Variants in ROS1 observed in about 807,000 individuals in gnomAD.
ROS1 encodes the protein ROS proto-oncogene 1, receptor tyrosine kinase.
In ROS1, 263 loss-of-function variants were observed where a neutral mutation model predicts 273.5. The observed-to-expected ratio is 0.96, with a 90% CI of 0.87 to 1.06. The LOEUF is 1.06. Among genes scored for constraint, ROS1 ranks in the 50% least tolerant of loss-of-function variants. ROS1 has a pLI of 0.00. For synonymous variants in ROS1, 1,008 were observed against 954.1 expected (o/e 1.06, Z -1.04); for missense variants, 2,833 against 2,751.1 (o/e 1.03, Z -0.67).
At chr6:117,360,642 C>G (rs1779723515) in intron 22 of ROS1, among the ~76,000 whole-genome samples, 1 of 152,032 alleles carries the variant, frequency 6.6e-6, no homozygotes, top group Non-Finnish European at 1.5e-5. Flanking sequence ...TGGAACAAAT[C>G]TCTCTTGCTA....
chr6:117,352,940 T>G, intron 27 of ROS1, 50 bp downstream of exon 27: 3 of 1,551,712 alleles, frequency 1.9e-6, no homozygotes, highest in Non-Finnish European at 2.6e-6. Context: ...ATGAGATTTT[T>G]CTGACCCTAA....
Position 117,414,535 on chromosome 6 carries a change from T to A in ROS1, c.239A>T (p.Tyr80Phe), listed in dbSNP as rs755687048. The A allele has an allele frequency of 1.4e-6, 1 of 731,252 alleles. No homozygotes were observed. Among genetic ancestry groups the A allele is most frequent in the Non-Finnish European group, 2.5e-6 (1 of 405,252 alleles). The allele number at this position is 731,252 out of a possible 1,614,324, so 45.3% of individuals were successfully genotyped here. A position where few individuals can be genotyped will look rare whatever the true frequency, so the allele number is the denominator to read the frequency against. The change falls in exon 4 of 44, where the codon TAT becomes TTT. Residue 80 changes from tyrosine to phenylalanine, a missense_variant. Transcript: ENST00000368507. ...CCAACTCACCTCACAAACGGTGGCA[T>A]AAGTATCATTCTGCATAGAAAAAAA... is the stretch of plus-strand genomic sequence containing the variant. Reference protein sequence around the residue: ...KNCALKCNDTYATVCERESCE... With the variant: ...KNCALKCNDTFATVCERESCE...
intron 43 of ROS1, among the ~76,000 whole-genome samples, chr6:117,290,682 T>C (rs1379088112): frequency 6.6e-6 from 1 of 152,190 alleles, no homozygotes. Flanking sequence ...TTTACACAAA[T>C]GTTTGGATGA....
At chr6:117,367,726 T>C (rs1183403751) in intron 18 of ROS1, among the ~76,000 whole-genome samples, 1 of 152,206 alleles carries the variant, frequency 6.6e-6, no homozygotes, top group African/African-American at 2.4e-5. Flanking sequence ...TAACCTCTCA[T>C]TGAACCATCT....
In ROS1 at chr6:117,387,831, T is replaced by C. The variant is rs1290003301; in HGVS notation, c.1948A>G (p.Lys650Glu). Reference sequence around the variant, plus strand: ...GGCTCTGACCAGGGGCCTGGCCTCTTTGGAGAACTTGCTCTCACAGAAACC... The same window carrying C: ...GGCTCTGACCAGGGGCCTGGCCTCTCTGGAGAACTTGCTCTCACAGAAACC... The part of the protein sequence containing the change: ...YKVSVRASSP[K>E]RPGPWSEPSV... The change falls in exon 14 of 44, where the codon AAG becomes GAG. Residue 650 changes from lysine (K) to glutamate (E), a missense_variant. Coordinates refer to ENST00000368507, the MANE Select transcript of ROS1 (RefSeq NM_001378902.1). 1 of 1,614,114 alleles carries C rather than the reference T, an allele frequency of 6.2e-7. No individual in the cohort carries two copies. Among genetic ancestry groups the C allele is most frequent in the Non-Finnish European group, 8.5e-7 (1 of 1,180,006 alleles).
At chr6:117,421,506 C>T (rs1009375526) in intron 1 of ROS1, among the ~76,000 whole-genome samples, 18 of 151,968 alleles carry the variant, frequency 1.2e-4, no homozygotes, top group Non-Finnish European at 2.1e-4. Flanking sequence ...TGAGAACATA[C>T]GGTATTTGGT....
chr6:117,378,733 C>A (rs1399826445), intron 18 of ROS1, among the ~76,000 whole-genome samples: 1 of 152,094 alleles, frequency 6.6e-6, no homozygotes, highest in Non-Finnish European at 1.5e-5. Context: ...TCATTTAAGA[C>A]ATCACAGGAA....
intron 32 of ROS1, among the ~76,000 whole-genome samples, chr6:117,330,349 G>T (rs991385032): frequency 6.6e-6 from 1 of 152,214 alleles, no homozygotes; most frequent in Non-Finnish European, 1.5e-5. Flanking sequence ...TAGGGGGAGG[G>T]GTGGCTGCAG....
chr6:117,290,097 C>G (rs1206822848), intron 43 of ROS1, among the ~76,000 whole-genome samples: 1 of 152,128 alleles, frequency 6.6e-6, no homozygotes, highest in Non-Finnish European at 1.5e-5. Context: ...ATAGTCTACC[C>G]ACTCATATCA....
Position 117,366,156 on chromosome 6 carries a change from T to C in ROS1, c.2717A>G (p.Gln906Arg). ...FRIITTQEIGQKTSVSVLEPA... is the reference protein window; with the variant it reads ...FRIITTQEIGRKTSVSVLEPA... ...TTCCAAAACAGAGACACTGGTTTTC[T>C]GACCTATTTCTTGAGTTGTGATAAT... is the stretch of plus-strand genomic sequence containing the variant. The change falls in exon 19 of 44, where the codon CAG becomes CGG. Residue 906 changes from glutamine (Q) to arginine (R), a missense_variant. Transcript: ENST00000368507. The C allele has an allele frequency of 8.7e-6, 14 of 1,614,176 alleles. No individual in the cohort carries two copies. The highest frequency in any genetic ancestry group is 1.2e-5 in the Non-Finnish European group (14 of 1,180,008).
At chr6:117,329,163 A>C (rs1776867595) in intron 33 of ROS1, among the ~76,000 whole-genome samples, 166 bp downstream of exon 33, 1 of 152,224 alleles carries the variant, frequency 6.6e-6, no homozygotes. Context: ...GCCAAGACCA[A>C]CGTCTAGGAA....
chr6:117,320,664 G>T, intron 36 of ROS1, among the ~76,000 whole-genome samples: 1 of 152,240 alleles, frequency 6.6e-6, no homozygotes, highest in Non-Finnish European at 1.5e-5. Flanking sequence ...GATCACCTTT[G>T]TGTCTACTTC....
intron 32 of ROS1, among the ~76,000 whole-genome samples, chr6:117,331,332 T>C (rs1276510216): frequency 6.6e-5 from 10 of 151,984 alleles, no homozygotes; most frequent in Non-Finnish European, 1.2e-4. Context: ...CCAAGAAATA[T>C]GAGACTTCAT....
Position 117,342,558 on chromosome 6 carries a change from T to C in ROS1, c.4507-14A>G. Reference sequence around the variant, plus strand: ...GTCCTGAAATTCCTGTAATTGATTTTTTAAAAATCAACATCTTATTTTTAA... The same window carrying C: ...GTCCTGAAATTCCTGTAATTGATTTCTTAAAAATCAACATCTTATTTTTAA... On this transcript the variant is annotated splice_polypyrimidine_tract_variant and intron_variant, in intron 28 of 43. Coordinates refer to ENST00000368507, the MANE Select transcript of ROS1 (RefSeq NM_001378902.1). The C allele has an allele frequency of 6.9e-7, 1 of 1,449,112 alleles. No individual in the cohort carries two copies. Among genetic ancestry groups the C allele is most frequent in the Non-Finnish European group, 9.3e-7 (1 of 1,072,540 alleles). 89.8% of individuals were successfully genotyped at this position (1,449,112 alleles called of 1,614,324 possible). A position where few individuals can be genotyped will look rare whatever the true frequency, so the allele number is the denominator to read the frequency against.
intron 27 of ROS1, among the ~76,000 whole-genome samples, chr6:117,348,061 T>C (rs1778519058): frequency 6.6e-6 from 1 of 152,028 alleles, no homozygotes; most frequent in South Asian, 2.1e-4. Flanking sequence ...TTGTCTAGTT[T>C]TGGTTTTAGG....
intron 22 of ROS1, 132 bp downstream of exon 22, chr6:117,362,471 A>G (rs562066202): frequency 9.2e-5 from 69 of 749,180 alleles, no homozygotes; most frequent in Non-Finnish European, 1.4e-4. Flanking sequence ...TAATTTTAAA[A>G]AACTATAGTG....
chr6:117,319,389 TAA>T (rs1262771957), intron 37 of ROS1, among the ~76,000 whole-genome samples: 1 of 152,106 alleles, frequency 6.6e-6, no homozygotes, highest in Non-Finnish European at 1.5e-5. Context: ...GAAAATAATA[TAA>T]AATTCAAATT....
intron 18 of ROS1, among the ~76,000 whole-genome samples, chr6:117,375,360 G>T (rs936904790): frequency 7.2e-5 from 11 of 152,076 alleles, no homozygotes; most frequent in Non-Finnish European, 1.6e-4. Context: ...CAGGTGATGG[G>T]TTTACCAAAA....
At chr6:117,309,013 G>A (rs982480226) in intron 41 of ROS1, 85 bp from the exon 42 acceptor site, 1 of 1,311,924 alleles carries the variant, frequency 7.6e-7, no homozygotes, top group South Asian at 1.4e-5. Context: ...TTTTTCCTGG[G>A]GCTAGCAGGG....
Sources: gnomAD v4.1 joint callset for allele counts (sites outside exome capture counted in the v4.1 genomes callset) on GRCh38, gnomAD v4.1.1 for gene constraint, MANE v1.5 for transcripts, NCBI Gene and HGNC (gene_info 2026-07-23, HGNC 2026-07-21) for gene names.